Variants in PDE2A observed in about 807,000 individuals in gnomAD.
The protein encoded by PDE2A is phosphodiesterase 2A.
PDE2A carries 53 observed loss-of-function variants against 133.6 expected under a neutral mutation model. The observed-to-expected ratio is 0.40, with a 90% confidence interval of 0.32 to 0.50. The LOEUF (loss-of-function observed/expected upper bound fraction) is 0.50. Ranked by LOEUF, PDE2A falls within the 20% of genes least tolerant of loss-of-function variation. The pLI is 0.73. For missense variants in PDE2A, 796 were observed against 1,232.4 expected (o/e 0.65, Z 5.30); for synonymous variants, 491 against 490.2 (o/e 1.00, Z -0.02).
chr11:72,622,014 C>A (rs1857796670), intron 2 of PDE2A, among the ~76,000 whole-genome samples: 1 of 151,898 alleles, frequency 6.6e-6, no homozygotes, highest in African/African-American at 2.4e-5. Context: ...AGCAAACAAC[C>A]CAATGTTTTA....
chr11:72,596,518 C>CACACA, intron 6 of PDE2A, 75 bp downstream of exon 6: 1 of 533,020 alleles, frequency 1.9e-6, no homozygotes, highest in South Asian at 3.7e-5. Context: ...ACACACACAC[C>CACACA]CTGGACAGGC....
intron 1 of PDE2A, among the ~76,000 whole-genome samples, chr11:72,672,020 A>T (rs1195998464): frequency 1.3e-5 from 2 of 151,864 alleles, no homozygotes; most frequent in African/African-American, 2.4e-5. Context: ...CCCTGTTCTC[A>T]TCTATCCAGC....
Position 72,584,273 on chromosome 11 carries a change from C to T in PDE2A, c.1578G>A (p.Gly526=). The part of the protein sequence containing the change: ...GVAELVNKIN[G]PWFSKFDEDL... ...CCTCGTCGAACTTGCTGAACCATGG[C>T]CCATTGATCTTGTTCACCAGCTCGG... Residue 526 remains glycine, a synonymous_variant, in exon 19 of 31, where the codon GGG becomes GGA. Transcript: ENST00000334456. The T allele has an allele frequency of 6.2e-7, 1 of 1,613,252 alleles. No individual in the cohort carries two copies. The highest frequency in any genetic ancestry group is 1.7e-5 in the Admixed American group (1 of 60,006).
At chr11:72,625,984 G>A (rs1340029053) in intron 2 of PDE2A, among the ~76,000 whole-genome samples, 3 of 152,248 alleles carry the variant, frequency 2.0e-5, no homozygotes, top group East Asian at 3.8e-4. Flanking sequence ...ACCTCAGCCC[G>A]GGGCCGCAGC....
chr11:72,626,374 G>C (rs868113116), intron 2 of PDE2A, among the ~76,000 whole-genome samples: 3 of 152,206 alleles, frequency 2.0e-5, no homozygotes, highest in Non-Finnish European at 4.4e-5. Flanking sequence ...AGATGGCAGG[G>C]CCTCAGGACC....
At chr11:72,652,269 A>T (rs1854761641) in intron 1 of PDE2A, among the ~76,000 whole-genome samples, 1 of 152,158 alleles carries the variant, frequency 6.6e-6, no homozygotes, top group African/African-American at 2.4e-5. Flanking sequence ...TGGGCCCATC[A>T]GCCTGCCTGT....
At chr11:72,585,053 C>A in intron 16 of PDE2A, 109 bp from the exon 17 acceptor site, 1 of 1,012,558 alleles carries the variant, frequency 9.9e-7, no homozygotes, top group Non-Finnish European at 1.6e-6. Context: ...AGGAGTGCTC[C>A]AAGGTAAGAC....
chr11:72,634,036 G>T (rs1858554020), intron 2 of PDE2A, among the ~76,000 whole-genome samples: 1 of 152,174 alleles, frequency 6.6e-6, no homozygotes, highest in Admixed American at 6.5e-5. Flanking sequence ...GGTTGGACTT[G>T]GTGATCTCCC....
intron 2 of PDE2A, among the ~76,000 whole-genome samples, chr11:72,621,313 A>G (rs932807247): frequency 1.3e-5 from 2 of 152,110 alleles, no homozygotes; most frequent in African/African-American, 4.8e-5. Flanking sequence ...CATCTACCCT[A>G]CAATGTCCAT....
intron 1 of PDE2A, 141 bp downstream of exon 1, chr11:72,673,996 A>C: frequency 1.3e-6 from 1 of 782,628 alleles, no homozygotes; most frequent in Non-Finnish European, 2.0e-6. Context: ...CAACGCGGGG[A>C]GGAGGGGTGC....
chr11:72,604,631 T>C (rs1591056487), intron 4 of PDE2A, among the ~76,000 whole-genome samples: 2 of 152,168 alleles, frequency 1.3e-5, no homozygotes, highest in African/African-American at 4.8e-5. Flanking sequence ...TTGCCCAAGG[T>C]TACACAGCTA....
chr11:72,581,170 T>G (rs918578058), intron 23 of PDE2A, among the ~76,000 whole-genome samples, 187 bp downstream of exon 23: 2 of 152,188 alleles, frequency 1.3e-5, no homozygotes, highest in Non-Finnish European at 2.9e-5. Flanking sequence ...CAGTCTTCAC[T>G]AGCTGCTTGG....
chr11:72,589,631 A>G (rs1856142200), intron 11 of PDE2A, 120 bp downstream of exon 11: 1 of 848,526 alleles, frequency 1.2e-6, no homozygotes, highest in Non-Finnish European at 2.0e-6. Context: ...CAAGATCCAG[A>G]TAATTCCATC....
chr11:72,674,331 A>C lies in PDE2A; in HGVS notation c.-124T>G. ...GACCAAGAGCAGTGGGCTGCCCCCTACTCAGCCTGGACTCAACACCCCAAT... is the reference window on the plus strand; with the variant it reads ...GACCAAGAGCAGTGGGCTGCCCCCTCCTCAGCCTGGACTCAACACCCCAAT... On this transcript the variant is annotated 5_prime_UTR_variant, in exon 1 of 31. Coordinates refer to ENST00000334456, the MANE Select transcript of PDE2A (RefSeq NM_002599.5). The C allele has an allele frequency of 5.5e-6, 5 of 915,040 alleles. No homozygotes were observed. Among genetic ancestry groups the C allele is most frequent in the East Asian group, 2.8e-5 (1 of 35,640 alleles). 56.7% of individuals were successfully genotyped at this position (915,040 alleles called of 1,614,324 possible). A position where few individuals can be genotyped will look rare whatever the true frequency, so the allele number is the denominator to read the frequency against.
At chr11:72,585,269 C>T in intron 16 of PDE2A, 102 bp downstream of exon 16, 1 of 971,426 alleles carries the variant, frequency 1.0e-6, no homozygotes, top group South Asian at 1.4e-5. Context: ...GATGAAGTCC[C>T]GCAGAAGGCA....
At chr11:72,670,871 G>A (rs1260267683) in intron 1 of PDE2A, among the ~76,000 whole-genome samples, 1 of 137,182 alleles carries the variant, frequency 7.3e-6, no homozygotes. Flanking sequence ...GGGAAGAGAT[G>A]AACATCCTAT....
At chr11:72,671,696 G>A (rs182453212) in intron 1 of PDE2A, among the ~76,000 whole-genome samples, 6 of 152,206 alleles carry the variant, frequency 3.9e-5, no homozygotes, top group African/African-American at 4.8e-5. Context: ...AAGAGGTTCC[G>A]GGCAGGGCCT....
At chr11:72,617,965 G>A (rs60778043) in intron 2 of PDE2A, among the ~76,000 whole-genome samples, 1,912 of 152,230 alleles carry the variant, frequency 0.013, 123 homozygotes, top group Admixed American at 0.099. Context: ...CCTGCCCTCC[G>A]GGGTCCCAGC....
intron 2 of PDE2A, among the ~76,000 whole-genome samples, chr11:72,613,016 A>C (rs890775544): frequency 2.6e-5 from 4 of 152,172 alleles, no homozygotes; most frequent in Non-Finnish European, 5.9e-5. Context: ...CTAAGATTCT[A>C]TGAAACCAGA....
Sources: gnomAD v4.1 joint callset for allele counts (sites outside exome capture counted in the v4.1 genomes callset) on GRCh38, gnomAD v4.1.1 for gene constraint, MANE v1.5 for transcripts, NCBI Gene and HGNC (gene_info 2026-07-23, HGNC 2026-07-21) for gene names.